The following GRM8 variants were observed in gnomAD, a reference collection of about 807,000 sequenced individuals.
The protein encoded by GRM8 is metabotropic glutamate receptor 8.
A neutral mutation model predicts 87.2 loss-of-function variants in GRM8; 47 were observed. The observed-to-expected ratio is 0.54, with a 90% CI of 0.43 to 0.69. The LOEUF (loss-of-function observed/expected upper bound fraction) is 0.69, where lower values mean the gene tolerates loss of function less well. Ranked by LOEUF, GRM8 falls within the 30% of genes least tolerant of loss-of-function variation. GRM8 has a pLI of 0.00. For missense variants in GRM8, 1,019 were observed against 1,139.2 expected, an observed-to-expected ratio of 0.89 and a Z score of 1.52; for synonymous variants, 396 against 404.5, an observed-to-expected ratio of 0.98 and a Z score of 0.25.
At chr7:126,703,654 G>A (rs529214889) in intron 7 of GRM8, among the ~76,000 whole-genome samples, 1 of 152,204 alleles carries the variant, frequency 6.6e-6, no homozygotes, top group South Asian at 2.1e-4. Flanking sequence ...CAAACTCCTG[G>A]CCTTGAGCGA....
intron 3 of GRM8, among the ~76,000 whole-genome samples, chr7:127,062,557 C>T (rs537169743): frequency 6.6e-6 from 1 of 152,238 alleles, no homozygotes; most frequent in East Asian, 1.9e-4. Context: ...GACTTGTGAA[C>T]ACATTGTATA....
At chr7:126,716,226 T>C (rs1287305338) in intron 7 of GRM8, among the ~76,000 whole-genome samples, 1 of 145,432 alleles carries the variant, frequency 6.9e-6, no homozygotes, top group Non-Finnish European at 1.5e-5. Context: ...TTCAAAACAG[T>C]TTTTTTTTTT....
chr7:126,543,081 T>C (rs1816730044), intron 8 of GRM8, among the ~76,000 whole-genome samples: 1 of 152,242 alleles, frequency 6.6e-6, no homozygotes. Flanking sequence ...CATGGACATC[T>C]ATGCATGATC....
At chr7:127,151,230 T>C (rs184156479) in intron 2 of GRM8, among the ~76,000 whole-genome samples, 60 of 152,054 alleles carry the variant, frequency 3.9e-4, no homozygotes, top group African/African-American at 1.4e-3. Flanking sequence ...GGTTATGCTA[T>C]TCCAGATCCT....
intron 6 of GRM8, among the ~76,000 whole-genome samples, chr7:126,813,821 G>A (rs1342247358): frequency 1.3e-5 from 2 of 151,910 alleles, no homozygotes; most frequent in East Asian, 3.9e-4. Context: ...TCTAATTTGG[G>A]GCATACCAAC....
At chr7:126,651,774 A>G (rs1803904479) in intron 7 of GRM8, among the ~76,000 whole-genome samples, 2 of 152,294 alleles carry the variant, frequency 1.3e-5, no homozygotes, top group Non-Finnish European at 2.9e-5. Flanking sequence ...CTGCTCCACA[A>G]TGAAGGTAAA....
intron 3 of GRM8, among the ~76,000 whole-genome samples, chr7:127,029,158 C>T (rs923664764): frequency 1.6e-4 from 24 of 152,184 alleles, no homozygotes; most frequent in Non-Finnish European, 2.4e-4. Context: ...GAGTGAGTTT[C>T]TTAATCCTGA....
chr7:127,121,749 C>T (rs578120333), intron 2 of GRM8, among the ~76,000 whole-genome samples: 1 of 152,032 alleles, frequency 6.6e-6, no homozygotes, highest in Non-Finnish European at 1.5e-5. Context: ...TTTAAACCAC[C>T]ACATCTTGTG....
At chr7:126,583,185 A>G (rs1031650947) in intron 8 of GRM8, among the ~76,000 whole-genome samples, 1 of 151,928 alleles carries the variant, frequency 6.6e-6, no homozygotes. Flanking sequence ...GTGAAACCCC[A>G]TCTCTACTAA....
At chr7:127,135,447 C>T (rs1363681225) in intron 2 of GRM8, among the ~76,000 whole-genome samples, 1 of 151,840 alleles carries the variant, frequency 6.6e-6, no homozygotes, top group Admixed American at 6.6e-5. Flanking sequence ...AGACATTTTA[C>T]TAATTCCAAC....
At chr7:127,064,092 T>C (rs1434331868) in intron 3 of GRM8, among the ~76,000 whole-genome samples, 1 of 152,260 alleles carries the variant, frequency 6.6e-6, no homozygotes, top group African/African-American at 2.4e-5. Context: ...GAGAAGAATG[T>C]ATATTCTATT....
At chr7:127,203,326 C>T (rs1465454719) in intron 2 of GRM8, among the ~76,000 whole-genome samples, 1 of 152,156 alleles carries the variant, frequency 6.6e-6, no homozygotes, top group Non-Finnish European at 1.5e-5. Flanking sequence ...CTGCTATGCT[C>T]ACTACCTGGA....
At chr7:126,736,209 T>C (rs2299507) in intron 7 of GRM8, among the ~76,000 whole-genome samples, 49,462 of 151,906 alleles carry the variant, frequency 0.33, 8,676 homozygotes, top group Non-Finnish European at 0.38. Context: ...ACCAGAAATA[T>C]AACCTAACTT....
chr7:126,545,013 C>T (rs565872847), intron 8 of GRM8, among the ~76,000 whole-genome samples: 1 of 152,258 alleles, frequency 6.6e-6, no homozygotes, highest in Non-Finnish European at 1.5e-5. Context: ...TTGTTTTTAT[C>T]GTCCGACAAT....
At chr7:126,552,544 T>C (rs1399471318) in intron 8 of GRM8, among the ~76,000 whole-genome samples, 1 of 152,108 alleles carries the variant, frequency 6.6e-6, no homozygotes, top group Non-Finnish European at 1.5e-5. Flanking sequence ...CCAAAATCCA[T>C]TTCTATATAC....
At chr7:126,979,905 G>T (rs571088255) in intron 3 of GRM8, among the ~76,000 whole-genome samples, 4 of 152,332 alleles carry the variant, frequency 2.6e-5, no homozygotes, top group Admixed American at 6.5e-5. Context: ...GAAGAGGCAG[G>T]TTTCCTAACT....
intron 1 of GRM8, among the ~76,000 whole-genome samples, chr7:127,243,997 G>C: frequency 6.6e-6 from 1 of 151,710 alleles, no homozygotes; most frequent in South Asian, 2.1e-4. Context: ...AGGAAAAAGT[G>C]ATTATTCAAT....
At chr7:126,588,625 G>T (rs1796386514) in intron 8 of GRM8, among the ~76,000 whole-genome samples, 1 of 152,154 alleles carries the variant, frequency 6.6e-6, no homozygotes, top group African/African-American at 2.4e-5. Context: ...TGGCAGATGG[G>T]AGGCAGGACT....
chr7:126,994,445 C>G (rs1262045542), intron 3 of GRM8, among the ~76,000 whole-genome samples: 1 of 152,160 alleles, frequency 6.6e-6, no homozygotes, highest in Non-Finnish European at 1.5e-5. Flanking sequence ...TTAGGGATCC[C>G]TGAATCCAGG....
Sources: allele counts gnomAD v4.1 joint callset (sites outside exome capture counted in the v4.1 genomes callset), GRCh38; gene constraint gnomAD v4.1.1; transcripts MANE v1.5; gene names NCBI Gene and HGNC (gene_info 2026-07-23, HGNC 2026-07-21).